ACIN1: variants seen among roughly 807,000 people sequenced by gnomAD.
The protein encoded by ACIN1 is apoptotic chromatin condensation inducer 1, also known as apoptotic chromatin condensation inducer in the nucleus.
Under a neutral mutation model 146.6 loss-of-function variants are expected in ACIN1, and 16 were observed. That is an observed-to-expected ratio of 0.11 (90% CI 0.07 to 0.17). The LOEUF (loss-of-function observed/expected upper bound fraction) is 0.17, where lower values mean the gene tolerates loss of function less well. ACIN1 is among the 10% of genes least tolerant of loss of function. The pLI is 1.00. For missense variants in ACIN1, 1,357 were observed against 1,609.3 expected (o/e 0.84, Z 2.68); for synonymous variants, 569 against 582.7 (o/e 0.98, Z 0.34).
Position 23,090,524 on chromosome 14 carries a change from T to C in ACIN1, c.314A>G (p.Glu105Gly). ...TAAAAGTGACAATCTGGGCTTACCT[T>C]CAAGTTCTGCAGCTTCTCGAGCTTC... ...EREAREAAEL[E>G]EASAESEDEM... Residue 105 changes from glutamate to glycine, a missense_variant and splice_region_variant, in exon 3 of 19, where the codon GAA becomes GGA. Physicochemically the swap from Glu to Gly is moderately conservative, Grantham distance 98. Around this residue, in one of 4 missense-constraint regions of ACIN1, gnomAD observed 55 missense variants for 123.9 expected, o/e 0.44. Coordinates refer to ENST00000605057, the MANE Select transcript of ACIN1 (RefSeq NM_001386863.1). 2 of 1,613,812 alleles carry C rather than the reference T, an allele frequency of 1.2e-6. No individual in the cohort carries two copies. Among genetic ancestry groups the C allele is most frequent in the Non-Finnish European group, 1.7e-6 (2 of 1,179,740 alleles).
At position 23,079,772 on chromosome 14, in the gene ACIN1, G is replaced by A. The variant is rs754751501; in HGVS notation, c.1563C>T (p.Ser521=). Residue 521 remains serine, a synonymous_variant, in exon 6 of 19, where the codon AGC becomes AGT. Transcript: ENST00000605057. The stretch of plus-strand genomic sequence containing the variant: ...TGGAGGAGGAAGATGAGGAGGACCG[G>A]CTAGAGGATGAATCAGCTGACTGTT... The part of the protein sequence containing the change: ...RLKQSADSSS[S]RSSSSSSSSS... 6.2e-7 allele frequency: 1 copy of A among 1,614,200 alleles called. No homozygotes were observed. Among genetic ancestry groups the A allele is most frequent in the Non-Finnish European group, 8.5e-7 (1 of 1,180,034 alleles).
At position 23,083,841 on chromosome 14, in the gene ACIN1, G is replaced by A. The variant is rs574549819; in HGVS notation, c.437-2005C>T. On this transcript the variant is annotated intron_variant, in intron 4 of 18. Transcript: ENST00000605057. The stretch of plus-strand genomic sequence containing the variant: ...TCCAGATACTTGATCAGCTAGATTG[G>A]ACTCAATGTTAATACAGTACAAAAG... 1.1e-4 allele frequency among the ~76,000 whole-genome samples: 16 copies of A among 152,306 alleles called. 1 individual carries two copies. The South Asian group carries it at 3.1e-3, about 30-fold the overall frequency.
chr14:23,071,092 G>C (rs1313177950), intron 8 of ACIN1: 84 of 1,543,106 alleles, frequency 5.4e-5, no homozygotes, highest in Non-Finnish European at 7.4e-5. Context: ...GGGCGGCGGG[G>C]AAAAGGCATA....
Position 23,080,644 on chromosome 14 carries a change from C to T in ACIN1, c.691G>A (p.Asp231Asn). 1 of 1,613,916 alleles carries T rather than the reference C, an allele frequency of 6.2e-7. No homozygotes were observed. Among genetic ancestry groups the T allele is most frequent in the Non-Finnish European group, 8.5e-7 (1 of 1,180,000 alleles). Residue 231 changes from aspartate to asparagine, a missense_variant, in exon 6 of 19, where the codon GAT (aspartate) becomes AAT (asparagine). Asp to Asn is a conservative substitution (Grantham distance 23, BLOSUM62 1). Transcript: ENST00000605057. ...EEEDDEEEEG[D>N]DEGQKSREAP... ...TCCCTAGATTTTTGTCCCTCATCAT[C>T]ACCTTCCTCTTCTTCATCATCTTCT...
intron 2 of ACIN1, among the ~76,000 whole-genome samples, chr14:23,091,279 T>C (rs1018665399): frequency 3.3e-5 from 5 of 152,176 alleles, no homozygotes; most frequent in African/African-American, 1.2e-4. Flanking sequence ...GAACATTATC[T>C]AAAGGGTAAT....
Position 23,079,536 on chromosome 14 carries a change from C to G in ACIN1, c.1788+11G>C. 6.2e-7 allele frequency: 1 copy of G among 1,612,220 alleles called. No individual in the cohort carries two copies. Among genetic ancestry groups the G allele is most frequent in the Non-Finnish European group, 8.5e-7 (1 of 1,178,782 alleles). On this transcript the variant is annotated intron_variant, in intron 6 of 18. Transcript: ENST00000605057. ...AGAACATTAATACACCCGGGATTCTCTCATACTCACTTTTCTGCTGTTGCT... is the reference window on the plus strand; with the variant it reads ...AGAACATTAATACACCCGGGATTCTGTCATACTCACTTTTCTGCTGTTGCT...
Position 23,063,093 on chromosome 14 carries a change from G to A in ACIN1, c.2738-19C>T, listed in dbSNP as rs765306256. On this transcript the variant is annotated intron_variant, in intron 13 of 18. Transcript: ENST00000605057. ...AAAGTCACTATCAAGAAGACCACAA[G>A]AACAGCTTTTGGTAGGAAGCAATAC... 2 of 1,589,790 alleles carry A rather than the reference G, an allele frequency of 1.3e-6. No homozygotes were observed. The highest frequency in any genetic ancestry group is 2.3e-5 in the South Asian group (2 of 86,982).
At position 23,068,664 on chromosome 14, in the gene ACIN1, A is replaced by C; in HGVS notation, c.2265+812T>G. 1 of 985,864 alleles carries C rather than the reference A, an allele frequency of 1.0e-6. No homozygotes were observed. Among genetic ancestry groups the C allele is most frequent in the Non-Finnish European group, 1.2e-6 (1 of 829,952 alleles). The allele number at this position is 985,864 out of a possible 1,614,324, so 61.1% of individuals were successfully genotyped here. On this transcript the variant is annotated intron_variant, in intron 9 of 18. Coordinates refer to ENST00000605057, the MANE Select transcript of ACIN1 (RefSeq NM_001386863.1). This position sits in a 1 kb window ranked among gnomAD's most constrained non-coding sequence, Gnocchi z 4.3. Reference sequence around the variant, plus strand: ...ATATTTTACGGGCGGATTACCGTACATGAGGTACTTGGACAAAGTTTTACG... The same window carrying C: ...ATATTTTACGGGCGGATTACCGTACCTGAGGTACTTGGACAAAGTTTTACG...
At position 23,068,640 on chromosome 14, in the gene ACIN1, T is replaced by C. The variant is rs1300317724; in HGVS notation, c.2265+836A>G. ...GCGATTGGCCAGTTGGGCAGGGTTA[T>C]ATTTTACGGGCGGATTACCGTACAT... is the stretch of plus-strand genomic sequence containing the variant. On this transcript the variant is annotated intron_variant, in intron 9 of 18. Transcript: ENST00000605057. The surrounding 1 kb of genome is among the most constrained non-coding windows in gnomAD (Gnocchi z 4.3). 3 of 985,770 alleles carry C rather than the reference T, an allele frequency of 3.0e-6. No individual in the cohort carries two copies. Among genetic ancestry groups the C allele is most frequent in the Non-Finnish European group, 3.6e-6 (3 of 829,980 alleles). 61.1% of individuals were successfully genotyped at this position (985,770 alleles called of 1,614,324 possible). A position where few individuals can be genotyped will look rare whatever the true frequency, so the allele number is the denominator to read the frequency against.
intron 4 of ACIN1, among the ~76,000 whole-genome samples, chr14:23,089,641 T>G (rs2236137): frequency 0.045 from 6,812 of 152,166 alleles, 196 homozygotes; most frequent in East Asian, 0.13. Flanking sequence ...GATACCCAAC[T>G]CCAGAGGGTG....
At chr14:23,094,737 C>T (rs928444619) in intron 1 of ACIN1, 41 of 721,846 alleles carry the variant, frequency 5.7e-5, no homozygotes, top group Non-Finnish European at 7.9e-5. Context: ...TAAGACACTC[C>T]TGGAGAGTAG....
At chr14:23,073,598 T>A (rs2047721241) in intron 8 of ACIN1, among the ~76,000 whole-genome samples, 1 of 151,960 alleles carries the variant, frequency 6.6e-6, no homozygotes, top group South Asian at 2.1e-4. Flanking sequence ...GCAGAGGTTG[T>A]GGTGAGCCGA....
Position 23,069,611 on chromosome 14 carries a change from C to T in ACIN1, c.2130G>A (p.Glu710=). The change falls in exon 9 of 19, where the codon GAG becomes GAA. Residue 710 remains glutamate (E), a synonymous_variant. Coordinates refer to ENST00000605057, the MANE Select transcript of ACIN1 (RefSeq NM_001386863.1). ...ESERIHHTVE[E]KEEVTMDTSE... ...TTGTGTCCATGGTCACTTCCTCCTT[C>T]TCCTCACTGACAGGAGGGGGGAGTG... 6.2e-7 allele frequency: 1 copy of T among 1,605,230 alleles called. No individual in the cohort carries two copies. Among genetic ancestry groups the T allele is most frequent in the Non-Finnish European group, 8.5e-7 (1 of 1,175,592 alleles).
intron 8 of ACIN1, among the ~76,000 whole-genome samples, chr14:23,071,852 TAGAG>T (rs535486588): frequency 3.6e-4 from 54 of 151,478 alleles, no homozygotes; most frequent in Non-Finnish European, 4.4e-4. Context: ...TTCTAGAAAA[TAGAG>T]AGAATAGAAG....
intron 8 of ACIN1, 24 bp from the exon 9 acceptor site, chr14:23,069,641 T>TGGGGGGGGGTGGG: frequency 3.2e-6 from 1 of 309,222 alleles, no homozygotes; most frequent in East Asian, 7.1e-5. Flanking sequence ...GGAGTGGTGG[T>TGGGGGGGGGTGGG]GGGGGGGCGG....
rs1315465753 is a variant in ACIN1, at chr14:23,061,641, C to T, written c.3100-19G>A. ...AATCCAGCTGTGGGGAGAGGAGGGA[C>T]AAGGACAGTTAGGATAGAGGTGATA... On this transcript the variant is annotated intron_variant, in intron 16 of 18. Coordinates refer to ENST00000605057, the MANE Select transcript of ACIN1 (RefSeq NM_001386863.1). The T allele has an allele frequency of 3.3e-6, 5 of 1,511,124 alleles. No homozygotes were observed. The African/African-American group carries it at 6.9e-5, about 21-fold the overall frequency. The allele number at this position is 1,511,124 out of a possible 1,614,324, so 93.6% of individuals were successfully genotyped here.
Position 23,080,065 on chromosome 14 carries a change from T to C in ACIN1, c.1270A>G (p.Ser424Gly), listed in dbSNP as rs779698714. Residue 424 changes from serine to glycine, a missense_variant, in exon 6 of 19, where the codon AGT becomes GGT. Physicochemically the swap from Ser to Gly is moderately conservative, Grantham distance 56. Coordinates refer to ENST00000605057, the MANE Select transcript of ACIN1 (RefSeq NM_001386863.1). ...GATTCTGCTTTGGTGTCTGAAGGAC[T>C]TGACAAAGGAGACAGGCCTCCTACC... is the stretch of plus-strand genomic sequence containing the variant. ...QLVGGLSPLS[S>G]PSDTKAESPA... The C allele has an allele frequency of 1.2e-6, 2 of 1,614,172 alleles. No homozygotes were observed. The highest frequency in any genetic ancestry group is 2.2e-5 in the East Asian group (1 of 44,866).
At position 23,069,589 on chromosome 14, in the gene ACIN1, T is replaced by C. The variant is rs139192732; in HGVS notation, c.2152A>G (p.Thr718Ala). The part of the protein sequence containing the change: ...VEEKEEVTMD[T>A]SENRPENDVP... ...TCATTTTCAGGTCTGTTTTCACTTGTGTCCATGGTCACTTCCTCCTTCTCC... is the reference window on the plus strand; with the variant it reads ...TCATTTTCAGGTCTGTTTTCACTTGCGTCCATGGTCACTTCCTCCTTCTCC... The change falls in exon 9 of 19, where the codon ACA (threonine) becomes GCA (alanine). Residue 718 changes from threonine to alanine, a missense_variant. This residue lies in a region of ACIN1 where 771 missense variants were observed against 746.6 expected (regional missense o/e 1.03). Transcript: ENST00000605057. 348 of 1,502,942 alleles carry C rather than the reference T, an allele frequency of 2.3e-4. No homozygotes were observed. Among genetic ancestry groups the C allele is most frequent in the Non-Finnish European group, 2.9e-4 (323 of 1,113,476 alleles). The allele number at this position is 1,502,942 out of a possible 1,614,324, so 93.1% of individuals were successfully genotyped here. A position where few individuals can be genotyped will look rare whatever the true frequency, so the allele number is the denominator to read the frequency against.
chr14:23,080,867 A>AT, intron 5 of ACIN1, 58 bp from the exon 6 acceptor site: 1 of 1,528,004 alleles, frequency 6.5e-7, no homozygotes, highest in Non-Finnish European at 8.8e-7. Context: ...AACAGAGGAG[A>AT]GAAAGTATCT....
Sources: allele counts gnomAD v4.1 joint callset (sites outside exome capture counted in the v4.1 genomes callset), GRCh38; gene constraint gnomAD v4.1.1; regional missense constraint gnomAD v4.1.1; non-coding constraint Gnocchi (gnomAD v3.1); transcripts MANE v1.5; gene names NCBI Gene and HGNC (gene_info 2026-07-23, HGNC 2026-07-21).